AGMO: variants seen among roughly 807,000 people sequenced by gnomAD.
AGMO encodes alkylglycerol monooxygenase.
A neutral mutation model predicts 60.2 loss-of-function variants in AGMO; 75 were observed. That is an observed-to-expected ratio of 1.25 (90% CI 1.03 to 1.51). The LOEUF (loss-of-function observed/expected upper bound fraction) is 1.51, where lower values mean the gene tolerates loss of function less well. Ranked by LOEUF, AGMO falls within the 40% of genes most tolerant of loss-of-function variation. The pLI is 0.00. For synonymous variants in AGMO, 261 were observed against 177.1 expected, an observed-to-expected ratio of 1.47 and a Z score of -3.76; for missense variants, 763 against 525.5, an observed-to-expected ratio of 1.45 and a Z score of -4.42.
chr7:15,191,364 A>G, the AGMO span, among the ~76,000 whole-genome samples: 4 of 152,154 alleles, frequency 2.6e-5, no homozygotes, highest in Admixed American at 2.0e-4. Flanking sequence ...TAATCCCCCT[A>G]GGAACCCAGG....
chr7:15,346,008 T>C (rs1782019372), intron 12 of AGMO, among the ~76,000 whole-genome samples: 1 of 152,172 alleles, frequency 6.6e-6, no homozygotes. Flanking sequence ...TTGATCAATA[T>C]AGCTGAACAT....
At chr7:15,353,434 C>G (rs957283777) in intron 12 of AGMO, among the ~76,000 whole-genome samples, 8 of 152,106 alleles carry the variant, frequency 5.3e-5, no homozygotes, top group Non-Finnish European at 8.8e-5. Flanking sequence ...TGATGTTAAA[C>G]TAAATTCAAC....
intron 12 of AGMO, among the ~76,000 whole-genome samples, chr7:15,327,882 A>T (rs1781392139): frequency 6.6e-6 from 1 of 150,464 alleles, no homozygotes. Flanking sequence ...CTCCCACCTC[A>T]GCCTCCTGGG....
intron 3 of AGMO, among the ~76,000 whole-genome samples, chr7:15,484,517 C>T (rs957833556): frequency 1.3e-5 from 2 of 152,152 alleles, no homozygotes; most frequent in African/African-American, 4.8e-5. Context: ...AATTCATCCA[C>T]CTGCTCACTT....
At chr7:15,386,310 G>T (rs1486693495) in intron 9 of AGMO, among the ~76,000 whole-genome samples, 1 of 152,132 alleles carries the variant, frequency 6.6e-6, no homozygotes, top group Non-Finnish European at 1.5e-5. Context: ...TTTTCCAATA[G>T]ACTACGTTTC....
At chr7:15,165,927 A>C in the AGMO span, among the ~76,000 whole-genome samples, 4 of 152,298 alleles carry the variant, frequency 2.6e-5, no homozygotes, top group African/African-American at 7.2e-5. Context: ...TTTTAAGTAT[A>C]CCTTAAGTGA....
intron 3 of AGMO, among the ~76,000 whole-genome samples, chr7:15,452,253 A>T (rs1781874463): frequency 6.6e-6 from 1 of 152,198 alleles, no homozygotes; most frequent in South Asian, 2.1e-4. Context: ...TCGAATTTTT[A>T]AAATTTTTGT....
rs555917190 is a variant in AGMO, at chr7:15,384,615, A to T, written c.1074+831T>A. Among the ~76,000 whole-genome samples the T allele has an allele frequency of 2.6e-5, 4 of 152,216 alleles. No homozygotes were observed. In the East Asian group the frequency reaches 7.7e-4, roughly 29 times the overall value. ...TACCATGTAACTTTCAACATTGCTG[A>T]TTCACTGAGGTTTTTCATGGGGTGC... is the stretch of plus-strand genomic sequence containing the variant. On this transcript the variant is annotated intron_variant, in intron 10 of 12. Transcript: ENST00000342526.
intron 6 of AGMO, among the ~76,000 whole-genome samples, chr7:15,392,834 C>T (rs536382883): frequency 6.9e-6 from 1 of 144,060 alleles, no homozygotes; most frequent in African/African-American, 2.6e-5. Context: ...AAACAAACAA[C>T]TTTAAATACA....
intron 5 of AGMO, among the ~76,000 whole-genome samples, chr7:15,415,317 G>A (rs1780734163): frequency 1.3e-5 from 2 of 151,906 alleles, no homozygotes; most frequent in South Asian, 4.2e-4. Context: ...GGCCAACGCA[G>A]GCAGATCACA....
chr7:15,452,477 T>TA (rs879883448), intron 3 of AGMO, among the ~76,000 whole-genome samples: 1 of 152,120 alleles, frequency 6.6e-6, no homozygotes, highest in African/African-American at 2.4e-5. Context: ...AGTAAGCACA[T>TA]AAAAAATGCA....
chr7:15,365,064 G>GACT (rs1211816435), intron 12 of AGMO, among the ~76,000 whole-genome samples: 5 of 151,886 alleles, frequency 3.3e-5, no homozygotes, highest in African/African-American at 1.2e-4. Flanking sequence ...AAATCCCACT[G>GACT]ACTTCAGTGA....
chr7:15,330,594 A>G (rs1051074510), intron 12 of AGMO, among the ~76,000 whole-genome samples: 1 of 151,970 alleles, frequency 6.6e-6, no homozygotes, highest in Admixed American at 6.6e-5. Flanking sequence ...GAGCGATTTG[A>G]GTATCTACAG....
intron 12 of AGMO, among the ~76,000 whole-genome samples, chr7:15,279,059 G>A (rs1262449426): frequency 6.6e-6 from 1 of 152,094 alleles, no homozygotes; most frequent in Non-Finnish European, 1.5e-5. Context: ...GTTGCTTGGG[G>A]AACAAAAACC....
intron 12 of AGMO, among the ~76,000 whole-genome samples, chr7:15,266,011 A>C (rs891421502): frequency 1.3e-5 from 2 of 152,118 alleles, no homozygotes; most frequent in African/African-American, 4.8e-5. Flanking sequence ...ACATTATGCT[A>C]AGTGAAATTA....
At chr7:15,376,334 C>T (rs1018625950) in intron 10 of AGMO, among the ~76,000 whole-genome samples, 4 of 151,990 alleles carry the variant, frequency 2.6e-5, no homozygotes, top group South Asian at 4.1e-4. Flanking sequence ...CTAATTTGTG[C>T]AGGTGGCACT....
At chr7:15,545,030 G>A in intron 2 of AGMO, 107 bp from the exon 3 acceptor site, 2 of 803,538 alleles carry the variant, frequency 2.5e-6, no homozygotes, top group Non-Finnish European at 3.5e-6. Flanking sequence ...ATAAAAAAAT[G>A]AAACTCTTTC....
chr7:15,336,129 C>T (rs562444028), intron 12 of AGMO, among the ~76,000 whole-genome samples: 2 of 152,176 alleles, frequency 1.3e-5, no homozygotes, highest in East Asian at 1.9e-4. Context: ...CTTGCATTCA[C>T]CTGCAAACAA....
the AGMO span, among the ~76,000 whole-genome samples, chr7:15,126,161 G>A: frequency 3.3e-5 from 5 of 151,970 alleles, 1 homozygote; most frequent in Admixed American, 2.0e-4. Flanking sequence ...GAAGACTTGG[G>A]TTCTGATTTA....
Sources: gnomAD v4.1 joint callset for allele counts (sites outside exome capture counted in the v4.1 genomes callset) on GRCh38, gnomAD v4.1.1 for gene constraint, MANE v1.5 for transcripts, NCBI Gene and HGNC (gene_info 2026-07-23, HGNC 2026-07-21) for gene names.